The following PBX1 variants were observed in gnomAD, a reference collection of about 807,000 sequenced individuals.
PBX1 encodes pre-B-cell leukemia transcription factor 1.
PBX1 carries 6 observed loss-of-function variants against 53.4 expected under a neutral mutation model. The ratio of observed to expected loss-of-function variants is 0.11; its 90% CI spans 0.06 to 0.22. PBX1 has a LOEUF of 0.22. PBX1 is among the 10% of genes least tolerant of loss of function. The probability of loss-of-function intolerance (pLI) is 1.00; values close to 1 mark genes in which losing one functional copy is unlikely to be tolerated. For synonymous variants in PBX1, 204 were observed against 212.3 expected (o/e 0.96, Z 0.34); for missense variants, 251 against 551.4 (o/e 0.46, Z 5.46).
At chr1:164,861,877 G>A (rs1672107030) in intron 2 of PBX1, among the ~76,000 whole-genome samples, 1 of 152,318 alleles carries the variant, frequency 6.6e-6, no homozygotes. Flanking sequence ...GGAATTGCAA[G>A]GAGCCCAAGG....
intron 8 of PBX1, among the ~76,000 whole-genome samples, chr1:164,825,089 A>G (rs1321029769): frequency 6.6e-6 from 1 of 152,082 alleles, no homozygotes; most frequent in Non-Finnish European, 1.5e-5. Context: ...CCTGTCATCA[A>G]AATAAACTCT....
At chr1:164,880,381 C>T (rs149676404) in intron 2 of PBX1, among the ~76,000 whole-genome samples, 8 of 152,318 alleles carry the variant, frequency 5.3e-5, no homozygotes, top group African/African-American at 1.4e-4. Context: ...TACATTATAT[C>T]GTGCTACAGC....
chr1:164,597,399 AAAT>A (rs1313528567), intron 2 of PBX1, among the ~76,000 whole-genome samples: 1 of 152,216 alleles, frequency 6.6e-6, no homozygotes, highest in East Asian at 1.9e-4. Flanking sequence ...GACACTTGGA[AAAT>A]ATAACATAGT....
chr1:164,809,682 T>G (rs1669514557), intron 5 of PBX1, among the ~76,000 whole-genome samples: 1 of 152,208 alleles, frequency 6.6e-6, no homozygotes, highest in Admixed American at 6.5e-5. Flanking sequence ...ATTGTCTTTT[T>G]TTGAAGTCAC....
chr1:164,597,470 A>G (rs1313777012), intron 2 of PBX1, among the ~76,000 whole-genome samples: 10 of 152,182 alleles, frequency 6.6e-5, no homozygotes, highest in African/African-American at 4.8e-5. Flanking sequence ...AAATGGAGCT[A>G]TTTGGGGGTG....
chr1:164,652,890 G>A (rs1471809715), intron 2 of PBX1, among the ~76,000 whole-genome samples: 4 of 148,128 alleles, frequency 2.7e-5, no homozygotes, highest in Admixed American at 1.3e-4. Context: ...TTTTTTTTCG[G>A]ACAGAGTCTC....
intron 2 of PBX1, chr1:164,683,638 C>T (rs1242263944): frequency 6.6e-6 from 1 of 152,110 alleles, no homozygotes; most frequent in African/African-American, 2.4e-5. Flanking sequence ...CACACTCTCA[C>T]TTTTAATGCG....
rs115764447 is a variant in PBX1, at chr1:164,604,161, G to A, written c.265+40850G>A. ...TCACTATGTTGTTCAGGCTAGTCTC[G>A]AACTTCTGAGCTCAGGCAATCCGCC... On this transcript the variant is annotated intron_variant, in intron 2 of 8. Coordinates refer to ENST00000420696, the MANE Select transcript of PBX1 (RefSeq NM_002585.4). Among the ~76,000 whole-genome samples, 302 of 151,850 alleles carry A rather than the reference G, an allele frequency of 2.0e-3. 1 individual carries two copies. Among genetic ancestry groups the A allele is most frequent in the African/African-American group, 6.6e-3 (274 of 41,378 alleles).
At chr1:164,748,525 T>TA (rs1400937331) in intron 2 of PBX1, among the ~76,000 whole-genome samples, 1 of 152,194 alleles carries the variant, frequency 6.6e-6, no homozygotes, top group African/African-American at 2.4e-5. Flanking sequence ...GGTTAAATAA[T>TA]ACGTCATTAA....
intron 8 of PBX1, among the ~76,000 whole-genome samples, chr1:164,844,146 T>C (rs1334465569): frequency 1.3e-5 from 2 of 149,716 alleles, no homozygotes; most frequent in African/African-American, 2.5e-5. Context: ...AGAATTTTAC[T>C]CTACTTCATG....
intron 2 of PBX1, chr1:164,641,900 C>T (rs1659168808): frequency 6.6e-6 from 1 of 152,130 alleles, no homozygotes; most frequent in African/African-American, 2.4e-5. Flanking sequence ...GAAGTTAGAA[C>T]ACTTGATAAA....
At chr1:164,840,450 A>G (rs12081132) in intron 8 of PBX1, among the ~76,000 whole-genome samples, 9,926 of 152,208 alleles carry the variant, frequency 0.065, 494 homozygotes, top group East Asian at 0.25. Context: ...CCAGAGAGAG[A>G]AAAGATAGGG....
Position 164,792,794 on chromosome 1 carries a change from A to G in PBX1, c.510+56A>G, listed in dbSNP as rs943902427. 5 of 1,343,588 alleles carry G rather than the reference A, an allele frequency of 3.7e-6. No individual in the cohort carries two copies. The African/African-American group carries it at 5.8e-5, about 16-fold the overall frequency. The allele number at this position is 1,343,588 out of a possible 1,614,324, so 83.2% of individuals were successfully genotyped here. On this transcript the variant is annotated intron_variant, in intron 3 of 8. Transcript: ENST00000420696. ...AGGCCCTTTAGGAAAGGGTGGAGGA[A>G]GCACAACCCCGGGGCTTGCAGAGAG...
At chr1:164,729,778 C>T (rs569246373) in intron 2 of PBX1, among the ~76,000 whole-genome samples, 4 of 152,078 alleles carry the variant, frequency 2.6e-5, no homozygotes, top group Admixed American at 6.5e-5. Context: ...GATCAGTACA[C>T]TGTACTGCTT....
At chr1:164,705,469 A>T (rs1299196226) in intron 2 of PBX1, among the ~76,000 whole-genome samples, 2 of 152,182 alleles carry the variant, frequency 1.3e-5, no homozygotes, top group African/African-American at 4.8e-5. Flanking sequence ...TTTTTCATAT[A>T]AATTTTGGGG....
intron 2 of PBX1, among the ~76,000 whole-genome samples, chr1:164,574,329 C>G (rs1290404301): frequency 6.6e-6 from 1 of 152,174 alleles, no homozygotes; most frequent in Non-Finnish European, 1.5e-5. Context: ...CAGCCTCACA[C>G]TGACTACCTC....
intron 2 of PBX1, among the ~76,000 whole-genome samples, chr1:164,737,412 A>G (rs1269069982): frequency 6.6e-6 from 1 of 152,172 alleles, no homozygotes; most frequent in African/African-American, 2.4e-5. Flanking sequence ...ATAATTCACC[A>G]ATTTTAAGTA....
intron 2 of PBX1, among the ~76,000 whole-genome samples, chr1:164,681,296 C>G (rs969964081): frequency 6.6e-6 from 1 of 152,038 alleles, no homozygotes; most frequent in African/African-American, 2.4e-5. Context: ...TTCCTTTGTG[C>G]TCAGGTAATA....
intron 2 of PBX1, among the ~76,000 whole-genome samples, chr1:164,690,136 T>G (rs1662376391): frequency 6.6e-6 from 1 of 152,136 alleles, no homozygotes; most frequent in Non-Finnish European, 1.5e-5. Flanking sequence ...CCTGACCGGC[T>G]CCTCCTCGGC....
Sources: allele counts gnomAD v4.1 joint callset (sites outside exome capture counted in the v4.1 genomes callset), GRCh38; gene constraint gnomAD v4.1.1; transcripts MANE v1.5; gene names NCBI Gene and HGNC (gene_info 2026-07-23, HGNC 2026-07-21).